The following FRMD5 variants were observed in gnomAD, a reference collection of about 807,000 sequenced individuals.
FRMD5 encodes the protein FERM domain containing 5, also known as FERM domain-containing protein 5.
FRMD5 carries 20 observed loss-of-function variants against 69.0 expected under a neutral mutation model. The observed-to-expected ratio is 0.29, with a 90% CI of 0.20 to 0.42. The LOEUF (loss-of-function observed/expected upper bound fraction) is 0.42. Ranked by LOEUF, FRMD5 falls within the 10% of genes least tolerant of loss-of-function variation. FRMD5 has a pLI of 1.00. For synonymous variants in FRMD5, 271 were observed against 260.1 expected (o/e 1.04, Z -0.40); for missense variants, 595 against 708.6 (o/e 0.84, Z 1.82).
intron 1 of FRMD5, among the ~76,000 whole-genome samples, chr15:44,112,968 G>C (rs140610653): frequency 2.6e-4 from 39 of 152,286 alleles, no homozygotes; most frequent in Admixed American, 5.2e-4. Flanking sequence ...TCAGAGATAA[G>C]TTAAGCTTCA....
chr15:43,884,689 A>C (rs751439528), intron 12 of FRMD5, 38 bp downstream of exon 12: 1 of 1,584,048 alleles, frequency 6.3e-7, no homozygotes, highest in African/African-American at 1.3e-5. Flanking sequence ...CTGGGATCTG[A>C]GCTACAACTG....
chr15:43,929,261 T>G (rs2089635363), intron 1 of FRMD5, among the ~76,000 whole-genome samples: 1 of 152,188 alleles, frequency 6.6e-6, no homozygotes. Flanking sequence ...CTAAACTATT[T>G]AAGGTTAATT....
intron 13 of FRMD5, chr15:43,879,366 C>T: frequency 2.5e-6 from 1 of 397,240 alleles, no homozygotes. Context: ...ATATTAGAAA[C>T]TGTTTTCACT....
At chr15:43,993,420 C>T (rs1247083689) in intron 1 of FRMD5, among the ~76,000 whole-genome samples, 4 of 152,170 alleles carry the variant, frequency 2.6e-5, no homozygotes, top group Non-Finnish European at 5.9e-5. Flanking sequence ...GTCTCAATCT[C>T]TTGACCTCGT....
chr15:43,933,749 C>T (rs2089713931), intron 1 of FRMD5, among the ~76,000 whole-genome samples: 1 of 152,242 alleles, frequency 6.6e-6, no homozygotes, highest in Non-Finnish European at 1.5e-5. Context: ...CCTTTCATGA[C>T]AGTGGGCAGC....
At chr15:44,088,808 G>A (rs1894310615) in intron 1 of FRMD5, among the ~76,000 whole-genome samples, 1 of 152,118 alleles carries the variant, frequency 6.6e-6, no homozygotes, top group South Asian at 2.1e-4. Flanking sequence ...ATTTAGAAAG[G>A]TTAACTAGCT....
At chr15:43,901,047 T>C (rs534498349) in intron 7 of FRMD5, among the ~76,000 whole-genome samples, 1 of 152,146 alleles carries the variant, frequency 6.6e-6, no homozygotes, top group African/African-American at 2.4e-5. Context: ...TAAACTGAGG[T>C]CATTAGGATG....
intron 4 of FRMD5, among the ~76,000 whole-genome samples, chr15:43,915,826 T>C (rs1488757093): frequency 1.3e-5 from 2 of 152,124 alleles, no homozygotes; most frequent in Non-Finnish European, 2.9e-5. Flanking sequence ...AGGACCAATA[T>C]TGCCTGGAAA....
At chr15:44,089,952 TAAAG>T (rs1354525503) in intron 1 of FRMD5, among the ~76,000 whole-genome samples, 1 of 152,120 alleles carries the variant, frequency 6.6e-6, no homozygotes, top group East Asian at 1.9e-4. Context: ...CTCTTTATCA[TAAAG>T]AAAGAACACA....
chr15:44,107,047 T>C (rs1209741613), intron 1 of FRMD5, among the ~76,000 whole-genome samples: 1 of 152,224 alleles, frequency 6.6e-6, no homozygotes, highest in African/African-American at 2.4e-5. Context: ...AAAATATCTG[T>C]GACTCCAAGG....
intron 1 of FRMD5, among the ~76,000 whole-genome samples, chr15:44,172,329 G>T (rs1426706987): frequency 6.7e-6 from 1 of 148,688 alleles, no homozygotes; most frequent in Non-Finnish European, 1.5e-5. Flanking sequence ...GCCCAGGCTG[G>T]TCTCAAACTC....
chr15:43,875,359 A>T (rs1226910611), intron 13 of FRMD5, among the ~76,000 whole-genome samples: 65 of 104,392 alleles, frequency 6.2e-4, no homozygotes, highest in African/African-American at 2.1e-3. Context: ...AAAAAAAAAA[A>T]AAAAATATAT....
intron 1 of FRMD5, among the ~76,000 whole-genome samples, chr15:44,179,711 G>A (rs934173348): frequency 3.3e-5 from 5 of 152,168 alleles, no homozygotes; most frequent in African/African-American, 9.7e-5. Flanking sequence ...GAACATCTGT[G>A]CTAAAAGGGG....
chr15:43,910,131 C>T lies in FRMD5; in HGVS notation c.330-152G>A, dbSNP rs117893562. 6.0e-3 allele frequency: 3,143 copies of T among 521,870 alleles called. 63 individuals are homozygous for T. Among genetic ancestry groups the T allele is most frequent in the East Asian group, 0.055 (1,821 of 33,100 alleles). The allele number at this position is 521,870 out of a possible 1,614,324, so 32.3% of individuals were successfully genotyped here. A position where few individuals can be genotyped will look rare whatever the true frequency, so the allele number is the denominator to read the frequency against. ...ACATAATGTAGAACAAATACATTCT[C>T]CATTTCCCTGGAAACTCTTTCAGGT... On this transcript the variant is annotated intron_variant, in intron 4 of 13. Transcript: ENST00000417257.
intron 1 of FRMD5, among the ~76,000 whole-genome samples, chr15:44,189,579 C>G (rs1595573349): frequency 6.6e-6 from 1 of 151,956 alleles, no homozygotes; most frequent in East Asian, 1.9e-4. Context: ...AGCTCCACCT[C>G]CCGGGTTCAA....
chr15:44,052,987 A>G (rs1241878670), intron 1 of FRMD5, among the ~76,000 whole-genome samples: 1 of 152,174 alleles, frequency 6.6e-6, no homozygotes, highest in Non-Finnish European at 1.5e-5. Flanking sequence ...ACAAATAATT[A>G]CAACAGTGTA....
chr15:43,885,988 A>C (rs1250552531), intron 10 of FRMD5, among the ~76,000 whole-genome samples: 1 of 152,208 alleles, frequency 6.6e-6, no homozygotes, highest in African/African-American at 2.4e-5. Flanking sequence ...TAGTGTCAGG[A>C]GAGTGAAGGC....
At chr15:43,994,601 TTTTA>T (rs140072371) in intron 1 of FRMD5, among the ~76,000 whole-genome samples, 4,285 of 152,238 alleles carry the variant, frequency 0.028, 167 homozygotes, top group African/African-American at 0.088. Context: ...CAGCTAATTT[TTTTA>T]TTTTTTGGTA....
At chr15:44,029,092 A>G (rs1283251502) in intron 1 of FRMD5, among the ~76,000 whole-genome samples, 2 of 152,252 alleles carry the variant, frequency 1.3e-5, no homozygotes, top group Non-Finnish European at 2.9e-5. Context: ...ATAAGAGGCC[A>G]TAGTGAGAGG....
Sources: allele counts gnomAD v4.1 joint callset (sites outside exome capture counted in the v4.1 genomes callset), GRCh38; gene constraint gnomAD v4.1.1; transcripts MANE v1.5; gene names NCBI Gene and HGNC (gene_info 2026-07-23, HGNC 2026-07-21).